CSMD1: variants seen among roughly 807,000 people sequenced by gnomAD.
CSMD1 encodes the protein CUB and Sushi multiple domains 1.
A neutral mutation model predicts 417.5 loss-of-function variants in CSMD1; 213 were observed. The ratio of observed to expected loss-of-function variants is 0.51; its 90% CI spans 0.46 to 0.57. The LOEUF (loss-of-function observed/expected upper bound fraction) is 0.57. CSMD1 is among the 20% of genes least tolerant of loss of function. The pLI is 0.00. For missense variants in CSMD1, 6,923 were observed against 4,529.7 expected (o/e 1.53, Z -15.17); for synonymous variants, 2,862 against 1,736.8 (o/e 1.65, Z -16.11).
chr8:4,308,296 G>C (rs1471303004), intron 3 of CSMD1, among the ~76,000 whole-genome samples: 3 of 151,934 alleles, frequency 2.0e-5, no homozygotes, highest in Admixed American at 6.6e-5. Context: ...TGTGTGTGAA[G>C]TTTGAAGTGT....
intron 2 of CSMD1, among the ~76,000 whole-genome samples, chr8:4,504,758 T>G (rs2130304911): frequency 6.6e-6 from 1 of 152,296 alleles, no homozygotes; most frequent in East Asian, 1.9e-4. Context: ...CTGTGTTAGT[T>G]TGCTGAGAAT....
intron 7 of CSMD1, among the ~76,000 whole-genome samples, chr8:3,638,949 G>C (rs1279115264): frequency 1.3e-5 from 2 of 152,162 alleles, no homozygotes; most frequent in Non-Finnish European, 2.9e-5. Context: ...AGCAGTATGG[G>C]AATTCAGAAA....
chr8:3,633,145 A>C (rs889723567), intron 7 of CSMD1, among the ~76,000 whole-genome samples: 1 of 152,252 alleles, frequency 6.6e-6, no homozygotes, highest in Admixed American at 6.5e-5. Context: ...CCAAGAATTT[A>C]TAGACAGTAA....
At chr8:3,734,398 G>A (rs1796420901) in intron 6 of CSMD1, among the ~76,000 whole-genome samples, 1 of 152,188 alleles carries the variant, frequency 6.6e-6, no homozygotes, top group Non-Finnish European at 1.5e-5. Flanking sequence ...GAAGCATTGG[G>A]AACACTGCTC....
At chr8:4,820,939 C>A (rs1799487081) in intron 1 of CSMD1, among the ~76,000 whole-genome samples, 1 of 152,158 alleles carries the variant, frequency 6.6e-6, no homozygotes, top group South Asian at 2.1e-4. Flanking sequence ...TTGCTTCCAT[C>A]TTTCCTCAAG....
intron 52 of CSMD1, among the ~76,000 whole-genome samples, chr8:3,016,573 T>A (rs1349432491): frequency 6.6e-6 from 1 of 152,232 alleles, no homozygotes; most frequent in Non-Finnish European, 1.5e-5. Context: ...AAAATGTTTG[T>A]GCTAAATGAA....
intron 5 of CSMD1, among the ~76,000 whole-genome samples, chr8:3,820,835 C>T (rs1333671995): frequency 2.0e-5 from 3 of 152,054 alleles, no homozygotes; most frequent in South Asian, 2.1e-4. Context: ...CTGCTGACCT[C>T]GACCTCCCAA....
intron 3 of CSMD1, among the ~76,000 whole-genome samples, chr8:4,225,607 C>G (rs1323080883): frequency 6.6e-6 from 1 of 150,662 alleles, no homozygotes; most frequent in Admixed American, 6.7e-5. Flanking sequence ...AGGAAATATG[C>G]TGTTGTCCAT....
At chr8:4,755,554 A>G (rs1465696823) in intron 1 of CSMD1, among the ~76,000 whole-genome samples, 1 of 151,940 alleles carries the variant, frequency 6.6e-6, no homozygotes, top group African/African-American at 2.4e-5. Context: ...CTGATTTTCT[A>G]TTTGATGTAA....
chr8:4,297,594 C>A (rs1011209756), intron 3 of CSMD1, among the ~76,000 whole-genome samples: 1 of 152,040 alleles, frequency 6.6e-6, no homozygotes, highest in African/African-American at 2.4e-5. Context: ...GTTTAAAATT[C>A]CTGTAAGGCT....
chr8:4,688,931 T>C (rs1300767682), intron 1 of CSMD1, among the ~76,000 whole-genome samples: 1 of 152,214 alleles, frequency 6.6e-6, no homozygotes, highest in East Asian at 1.9e-4. Flanking sequence ...CATTAAAGCA[T>C]TCACTTTCTT....
intron 1 of CSMD1, among the ~76,000 whole-genome samples, chr8:4,762,198 G>T (rs1431530078): frequency 6.6e-6 from 1 of 152,024 alleles, no homozygotes; most frequent in Non-Finnish European, 1.5e-5. Flanking sequence ...ATTTATAATT[G>T]TTGTGCTAAA....
At chr8:3,108,353 T>C (rs999783042) in intron 44 of CSMD1, among the ~76,000 whole-genome samples, 5 of 152,186 alleles carry the variant, frequency 3.3e-5, no homozygotes, top group Non-Finnish European at 7.3e-5. Flanking sequence ...CTTTCAATGG[T>C]CTTCATCTTA....
chr8:3,151,551 A>T, intron 39 of CSMD1, 38 bp from the exon 40 acceptor site: 1 of 1,326,424 alleles, frequency 7.5e-7, no homozygotes, highest in Non-Finnish European at 1.1e-6. Context: ...GCAGGTCCTC[A>T]CTTTCTCCCT....
At chr8:4,904,226 A>G (rs1029774612) in intron 1 of CSMD1, among the ~76,000 whole-genome samples, 5 of 152,202 alleles carry the variant, frequency 3.3e-5, no homozygotes, top group Non-Finnish European at 5.9e-5. Context: ...AAAATTAGGC[A>G]TCATAGAAAG....
intron 1 of CSMD1, among the ~76,000 whole-genome samples, chr8:4,771,842 T>C (rs1194546369): frequency 6.6e-6 from 1 of 152,148 alleles, no homozygotes; most frequent in Non-Finnish European, 1.5e-5. Flanking sequence ...TTTTCTGTTG[T>C]GGTTTTAATC....
At chr8:3,305,979 C>A (rs1263483241) in intron 25 of CSMD1, among the ~76,000 whole-genome samples, 2 of 152,038 alleles carry the variant, frequency 1.3e-5, no homozygotes, top group Non-Finnish European at 2.9e-5. Context: ...TGCACCCGGC[C>A]CCACAGTCTG....
intron 26 of CSMD1, among the ~76,000 whole-genome samples, chr8:3,278,187 G>C (rs985604604): frequency 6.6e-6 from 1 of 152,128 alleles, no homozygotes; most frequent in Non-Finnish European, 1.5e-5. Context: ...TGAAGAAAGA[G>C]TTTCCAGAAG....
At chr8:4,568,896 GT>G (rs1221014393) in intron 2 of CSMD1, among the ~76,000 whole-genome samples, 3 of 152,008 alleles carry the variant, frequency 2.0e-5, no homozygotes, top group Admixed American at 2.0e-4. Context: ...TTTTTCATAT[GT>G]TTTTGGCAGC....
Sources: gnomAD v4.1 joint callset for allele counts (sites outside exome capture counted in the v4.1 genomes callset) on GRCh38, gnomAD v4.1.1 for gene constraint, MANE v1.5 for transcripts, NCBI Gene and HGNC (gene_info 2026-07-23, HGNC 2026-07-21) for gene names.